Variants in JAK2 observed in about 807,000 individuals in gnomAD.
JAK2 encodes the protein Janus kinase 2, also known as tyrosine-protein kinase JAK2.
Under a neutral mutation model 139.3 loss-of-function variants are expected in JAK2, and 86 were observed. The observed-to-expected ratio is 0.62, with a 90% CI of 0.52 to 0.74. The LOEUF is 0.74. JAK2 is among the 30% of genes least tolerant of loss of function. The pLI, the probability that JAK2 is intolerant of heterozygous loss-of-function variation, is 0.00. For synonymous variants in JAK2, 490 were observed against 437.7 expected (o/e 1.12, Z -1.49); for missense variants, 1,421 against 1,360.3 (o/e 1.04, Z -0.70).
chr9:5,077,998 T>G (rs541988897), intron 15 of JAK2, among the ~76,000 whole-genome samples: 2 of 152,172 alleles, frequency 1.3e-5, no homozygotes. Context: ...GCTGCAGAAC[T>G]GAAGTAGTAT....
intron 2 of JAK2, among the ~76,000 whole-genome samples, chr9:5,005,937 A>G (rs997446452): frequency 6.6e-5 from 10 of 152,162 alleles, no homozygotes; most frequent in African/African-American, 2.4e-4. Flanking sequence ...TGATGCCTCC[A>G]GCTTTGTTCT....
At chr9:4,991,939 T>A (rs911373034) in intron 2 of JAK2, among the ~76,000 whole-genome samples, 1 of 152,166 alleles carries the variant, frequency 6.6e-6, no homozygotes, top group African/African-American at 2.4e-5. Flanking sequence ...AGCATTACTC[T>A]GATTGCTATT....
At chr9:5,120,523 A>T (rs930714417) in intron 22 of JAK2, among the ~76,000 whole-genome samples, 2 of 152,178 alleles carry the variant, frequency 1.3e-5, no homozygotes, top group African/African-American at 2.4e-5. Flanking sequence ...AATATGGTTG[A>T]CGGTAATAAC....
chr9:5,005,615 G>A (rs182069367), intron 2 of JAK2, among the ~76,000 whole-genome samples: 1 of 152,132 alleles, frequency 6.6e-6, no homozygotes, highest in Non-Finnish European at 1.5e-5. Flanking sequence ...AGATTCCAGT[G>A]TAATTTTTTT....
rs1824197762 is a variant in JAK2, at chr9:5,129,343, G to C, written c.*2552G>C. ...ACCAAGGAAACGGGCCACACACCTT[G>C]GTTTAGGGATGTTGTGATAGCTTAC... On this transcript the variant is annotated 3_prime_UTR_variant, in exon 25 of 25. Transcript: ENST00000381652. Among the ~76,000 whole-genome samples the C allele has an allele frequency of 6.6e-6, 1 of 152,040 alleles. No homozygotes were observed. Among genetic ancestry groups the C allele is most frequent in the Non-Finnish European group, 1.5e-5 (1 of 67,926 alleles).
At chr9:5,032,183 T>C (rs1244057678) in intron 4 of JAK2, among the ~76,000 whole-genome samples, 4 of 152,092 alleles carry the variant, frequency 2.6e-5, no homozygotes, top group Non-Finnish European at 2.9e-5. Context: ...AACTGCAAGG[T>C]GGCAGCGAGG....
chr9:5,114,345 C>G (rs1822939165), intron 22 of JAK2: 2 of 536,642 alleles, frequency 3.7e-6, no homozygotes, highest in East Asian at 4.5e-5. Context: ...CATCCTAAGG[C>G]AAGAGAAGCA....
rs778140550 is a variant in JAK2 at position 4,985,534 on chromosome 9, C to G, written c.-205C>G. On this transcript the variant is annotated 5_prime_UTR_variant, in exon 1 of 25. Coordinates refer to ENST00000381652, the MANE Select transcript of JAK2 (RefSeq NM_004972.4). Reference sequence around the variant, plus strand: ...GCCCAGCCTGGAGGTCGTTCAGAGCCGTGCCCGTCCCGGGGCTTCGCAGAC... The same window carrying G: ...GCCCAGCCTGGAGGTCGTTCAGAGCGGTGCCCGTCCCGGGGCTTCGCAGAC... 4 of 152,484 alleles carry G rather than the reference C, an allele frequency of 2.6e-5. No individual in the cohort carries two copies. Among genetic ancestry groups the G allele is most frequent in the Non-Finnish European group, 5.9e-5 (4 of 68,246 alleles). 9.4% of individuals were successfully genotyped at this position (152,484 alleles called of 1,614,324 possible).
intron 22 of JAK2, among the ~76,000 whole-genome samples, chr9:5,092,731 C>T (rs571567077): frequency 6.6e-6 from 1 of 152,136 alleles, no homozygotes; most frequent in Non-Finnish European, 1.5e-5. Context: ...GCTGAAAGAG[C>T]GTACTCACCT....
chr9:5,089,909 G>C (rs376573576), intron 20 of JAK2, 46 bp downstream of exon 20: 19 of 1,297,288 alleles, frequency 1.5e-5, no homozygotes, highest in Admixed American at 2.8e-5. Context: ...GTATGTGTTT[G>C]GCATCCTGTG....
intron 15 of JAK2, among the ~76,000 whole-genome samples, chr9:5,077,797 AG>A (rs1221906793): frequency 2.0e-5 from 3 of 152,248 alleles, no homozygotes; most frequent in Admixed American, 6.5e-5. Flanking sequence ...TCAATATCTT[AG>A]AACTACTAAT....
At chr9:5,109,008 T>C (rs1165685302) in intron 22 of JAK2, 3 of 152,068 alleles carry the variant, frequency 2.0e-5, no homozygotes, top group Non-Finnish European at 4.4e-5. Context: ...TTCTAGCAAA[T>C]CTCACTAATC....
chr9:5,111,772 G>A (rs948357708), intron 22 of JAK2: 9 of 422,160 alleles, frequency 2.1e-5, no homozygotes, highest in South Asian at 1.1e-4. Context: ...GTGGGCTTCC[G>A]GCTGCATCCA....
At chr9:5,093,658 A>T (rs920665172) in intron 22 of JAK2, among the ~76,000 whole-genome samples, 4 of 152,156 alleles carry the variant, frequency 2.6e-5, no homozygotes, top group African/African-American at 9.7e-5. Flanking sequence ...AACAACCTAA[A>T]CTAAGACCAC....
intron 2 of JAK2, among the ~76,000 whole-genome samples, chr9:5,010,833 T>C (rs555958602): frequency 6.6e-6 from 1 of 152,288 alleles, no homozygotes; most frequent in African/African-American, 2.4e-5. Flanking sequence ...AACATATTTG[T>C]TTTGCCTTGA....
Position 5,069,883 on chromosome 9 carries a change from C to T in JAK2, c.1514-42C>T, listed in dbSNP as rs144715090. ...TCCTCTTTGGAGCAATTCATACTTT[C>T]AGTGTATTTTGAAGTGATATATATG... On this transcript the variant is annotated intron_variant, in intron 11 of 24. Coordinates refer to ENST00000381652, the MANE Select transcript of JAK2 (RefSeq NM_004972.4). The T allele has an allele frequency of 2.0e-4, 265 of 1,339,030 alleles. No individual in the cohort carries two copies. In the African/African-American group the frequency reaches 3.1e-3, roughly 16 times the overall value. 82.9% of individuals were successfully genotyped at this position (1,339,030 alleles called of 1,614,324 possible).
At chr9:5,090,325 A>C in intron 20 of JAK2, 121 bp from the exon 21 acceptor site, 1 of 668,434 alleles carries the variant, frequency 1.5e-6, no homozygotes, top group Non-Finnish European at 2.2e-6. Context: ...TTTAATGTAT[A>C]ATAAAGTTTT....
chr9:5,009,125 C>T (rs1028596910), intron 2 of JAK2, among the ~76,000 whole-genome samples: 1 of 152,150 alleles, frequency 6.6e-6, no homozygotes, highest in African/African-American at 2.4e-5. Flanking sequence ...ATAACAGCAA[C>T]ACATAAGTTG....
chr9:5,077,439 A>G lies in JAK2; in HGVS notation c.1865-14A>G. ...TACTTAAGCCTTATTATTATTACTT[A>G]TATTTTAATGCAGATATTCTGGTTC... On this transcript the variant is annotated splice_polypyrimidine_tract_variant and intron_variant, in intron 14 of 24. Transcript: ENST00000381652. The G allele has an allele frequency of 1.0e-6, 1 of 973,294 alleles. No individual in the cohort carries two copies. The highest frequency in any genetic ancestry group is 3.2e-5 in the East Asian group (1 of 31,486). 60.3% of individuals were successfully genotyped at this position (973,294 alleles called of 1,614,324 possible). A position where few individuals can be genotyped will look rare whatever the true frequency, so the allele number is the denominator to read the frequency against.
Sources: allele counts gnomAD v4.1 joint callset (sites outside exome capture counted in the v4.1 genomes callset), GRCh38; gene constraint gnomAD v4.1.1; transcripts MANE v1.5; gene names NCBI Gene and HGNC (gene_info 2026-07-23, HGNC 2026-07-21).